DAAM1: variants seen among roughly 807,000 people sequenced by gnomAD.
The protein encoded by DAAM1 is dishevelled associated activator of morphogenesis 1.
A neutral mutation model predicts 130.0 loss-of-function variants in DAAM1; 52 were observed. The ratio of observed to expected loss-of-function variants is 0.40; its 90% CI spans 0.32 to 0.50. The LOEUF is 0.50. DAAM1 is among the 20% of genes least tolerant of loss of function. The pLI is 0.61. For missense variants in DAAM1, 1,134 were observed against 1,303.8 expected, an observed-to-expected ratio of 0.87 and a Z score of 2.01; for synonymous variants, 452 against 444.5, an observed-to-expected ratio of 1.02 and a Z score of -0.21.
chr14:59,368,712 C>T lies in DAAM1; in HGVS notation c.3060C>T (p.Ser1020=), dbSNP rs145721737. ...AAGCTAAAGAGAATAGTGAAGAAAG[C>T]GGAGAGTTTGATGACCTTGTTTCAG... ...MRKAKENSEE[S]GEFDDLVSAL... The change falls in exon 25 of 25, where the codon AGC becomes AGT. Residue 1020 remains serine, a synonymous_variant. Transcript: ENST00000360909. The T allele has an allele frequency of 1.5e-5, 25 of 1,613,664 alleles. No homozygotes were observed. Among genetic ancestry groups the T allele is most frequent in the Admixed American group, 5.0e-5 (3 of 59,966 alleles).
chr14:59,330,442 G>T, intron 12 of DAAM1, 59 bp from the exon 13 acceptor site: 1 of 1,461,566 alleles, frequency 6.8e-7, no homozygotes, highest in Non-Finnish European at 9.1e-7. Context: ...TTCTTTTAGA[G>T]AAAATGCTTC....
chr14:59,315,552 A>C (rs1884758702), intron 4 of DAAM1, among the ~76,000 whole-genome samples: 2 of 152,168 alleles, frequency 1.3e-5, no homozygotes, highest in African/African-American at 4.8e-5. Flanking sequence ...GTATGTTTTA[A>C]ATAAAATCAG....
In DAAM1 at chr14:59,369,911, A is replaced by C. The variant is rs188867818; in HGVS notation, c.*1052A>C. The C allele has an allele frequency of 1.3e-5, 2 of 151,872 alleles. No individual in the cohort carries two copies. Among genetic ancestry groups the C allele is most frequent in the African/African-American group, 4.8e-5 (2 of 41,414 alleles). 9.4% of individuals were successfully genotyped at this position (151,872 alleles called of 1,614,324 possible). A position where few individuals can be genotyped will look rare whatever the true frequency, so the allele number is the denominator to read the frequency against. Reference sequence around the variant, plus strand: ...TGTCAACATCAGCAGAGATGCCCAGATCTATTTATCTCTAAGTATATTTGA... The same window carrying C: ...TGTCAACATCAGCAGAGATGCCCAGCTCTATTTATCTCTAAGTATATTTGA... On this transcript the variant is annotated 3_prime_UTR_variant, in exon 25 of 25. Coordinates refer to ENST00000360909, the MANE Select transcript of DAAM1 (RefSeq NM_001270520.2).
intron 3 of DAAM1, among the ~76,000 whole-genome samples, chr14:59,305,956 C>G (rs1193464994): frequency 6.6e-6 from 1 of 152,172 alleles, no homozygotes; most frequent in Non-Finnish European, 1.5e-5. Flanking sequence ...GGAAATGTCT[C>G]AAAGGATTTT....
intron 1 of DAAM1, among the ~76,000 whole-genome samples, chr14:59,226,123 G>A (rs893249136): frequency 2.0e-5 from 3 of 152,016 alleles, no homozygotes; most frequent in African/African-American, 7.2e-5. Context: ...TTTCAGACTG[G>A]AACTTAGGAT....
chr14:59,343,134 C>T (rs1885918816), intron 16 of DAAM1, among the ~76,000 whole-genome samples: 1 of 152,188 alleles, frequency 6.6e-6, no homozygotes, highest in African/African-American at 2.4e-5. Context: ...GGAAGGGTGC[C>T]TGCATGGGAG....
chr14:59,220,431 A>G (rs935009998), intron 1 of DAAM1, among the ~76,000 whole-genome samples: 3 of 152,152 alleles, frequency 2.0e-5, no homozygotes, highest in Non-Finnish European at 2.9e-5. Flanking sequence ...ATTAGAAATA[A>G]GTTTTGCCTA....
At chr14:59,314,690 G>A (rs1210490424) in intron 3 of DAAM1, among the ~76,000 whole-genome samples, 1 of 152,124 alleles carries the variant, frequency 6.6e-6, no homozygotes, top group Non-Finnish European at 1.5e-5. Flanking sequence ...CTCCTGAGCT[G>A]TCACAGCATG....
rs1010145309 is a variant in DAAM1, at chr14:59,370,790, G to A, written c.*1931G>A. The A allele has an allele frequency of 6.6e-6, 1 of 152,158 alleles. No individual in the cohort carries two copies. Among genetic ancestry groups the A allele is most frequent in the Non-Finnish European group, 1.5e-5 (1 of 68,016 alleles). 9.4% of individuals were successfully genotyped at this position (152,158 alleles called of 1,614,324 possible). A position where few individuals can be genotyped will look rare whatever the true frequency, so the allele number is the denominator to read the frequency against. On this transcript the variant is annotated 3_prime_UTR_variant, in exon 25 of 25. Transcript: ENST00000360909. ...GAGATGAGGAAGATTGGAATATAAT[G>A]ATGGTTTTGTCTGTTCCTTAACTAA...
chr14:59,335,336 C>G (rs1012571220), intron 15 of DAAM1, among the ~76,000 whole-genome samples: 1 of 152,156 alleles, frequency 6.6e-6, no homozygotes, highest in African/African-American at 2.4e-5. Context: ...CACTCACATT[C>G]CAAAAGTTCA....
chr14:59,264,196 G>T, intron 2 of DAAM1: 1 of 162,618 alleles, frequency 6.1e-6, no homozygotes, highest in Middle Eastern at 3.3e-3. Flanking sequence ...TAACTGCTGT[G>T]GGAATCTTTT....
At chr14:59,230,091 ACAAAC>A (rs1374231349) in intron 1 of DAAM1, among the ~76,000 whole-genome samples, 1 of 152,188 alleles carries the variant, frequency 6.6e-6, no homozygotes, top group Admixed American at 6.5e-5. Context: ...TGTAGTTGAG[ACAAAC>A]CACACAACAG....
chr14:59,285,017 C>T (rs1376000236), intron 2 of DAAM1, among the ~76,000 whole-genome samples: 1 of 152,028 alleles, frequency 6.6e-6, no homozygotes, highest in African/African-American at 2.4e-5. Flanking sequence ...ATCAGATTCT[C>T]CAAGGTCAAT....
chr14:59,303,249 G>A (rs1470779819), intron 3 of DAAM1, among the ~76,000 whole-genome samples: 5 of 152,200 alleles, frequency 3.3e-5, no homozygotes, highest in African/African-American at 1.2e-4. Context: ...ATAGTGTCCT[G>A]TGAAACTCAG....
At chr14:59,346,871 T>C (rs1423939868) in intron 16 of DAAM1, among the ~76,000 whole-genome samples, 1 of 152,236 alleles carries the variant, frequency 6.6e-6, no homozygotes, top group African/African-American at 2.4e-5. Flanking sequence ...TATTTTTGCT[T>C]AAATCCTTCC....
At chr14:59,198,926 T>G (rs1888005436) in intron 1 of DAAM1, among the ~76,000 whole-genome samples, 2 of 152,228 alleles carry the variant, frequency 1.3e-5, no homozygotes, top group Admixed American at 6.5e-5. Flanking sequence ...TAAGCTATCT[T>G]CTGGATAAAA....
rs1486706028 is a variant in DAAM1, at chr14:59,353,766, T to G, written c.2268-110T>G. Reference sequence around the variant, plus strand: ...AACTAATGTATGTGTGTCGGGGGAGTGGGTGGGTATTGGGGGAGGTGCTTC... The same window carrying G: ...AACTAATGTATGTGTGTCGGGGGAGGGGGTGGGTATTGGGGGAGGTGCTTC... On this transcript the variant is annotated intron_variant, in intron 18 of 24. Transcript: ENST00000360909. 4.6e-6 allele frequency: 4 copies of G among 871,414 alleles called. No homozygotes were observed. In the Admixed American group the frequency reaches 6.8e-5, roughly 15 times the overall value. 54.0% of individuals were successfully genotyped at this position (871,414 alleles called of 1,614,324 possible).
chr14:59,331,866 A>C lies in DAAM1; in HGVS notation c.1914A>C (p.Lys638Asn). ...WTEIDDTKVFKILDLEDLERT... is the reference protein window; with the variant it reads ...WTEIDDTKVFNILDLEDLERT... ...AAATTGATGATACAAAAGTCTTCAAAATTCTAGATCTTGAAGACCTGGAAA... is the reference window on the plus strand; with the variant it reads ...AAATTGATGATACAAAAGTCTTCAACATTCTAGATCTTGAAGACCTGGAAA... The change falls in exon 15 of 25, where the codon AAA becomes AAC. Residue 638 changes from lysine (K) to asparagine (N), a missense_variant. By Grantham distance (94) the Lys-to-Asn change is moderately conservative (BLOSUM62 0). This residue lies in a region of DAAM1 where 644 missense variants were observed against 695.9 expected (regional missense o/e 0.93). Transcript: ENST00000360909. The C allele has an allele frequency of 1.2e-6, 2 of 1,614,204 alleles. No homozygotes were observed. Among genetic ancestry groups the C allele is most frequent in the South Asian group, 2.2e-5 (2 of 91,082 alleles).
At chr14:59,326,456 T>C in intron 10 of DAAM1, 54 bp from the exon 11 acceptor site, 5 of 1,538,116 alleles carry the variant, frequency 3.3e-6, no homozygotes, top group Non-Finnish European at 4.4e-6. Context: ...CAAATATTCA[T>C]CCTAGCTTAG....
Sources: allele counts gnomAD v4.1 joint callset (sites outside exome capture counted in the v4.1 genomes callset), GRCh38; gene constraint gnomAD v4.1.1; regional missense constraint gnomAD v4.1.1; transcripts MANE v1.5; gene names NCBI Gene and HGNC (gene_info 2026-07-23, HGNC 2026-07-21).